The following CTNNA2 variants were observed in gnomAD, a reference collection of about 807,000 sequenced individuals.
CTNNA2 encodes catenin alpha 2.
In CTNNA2, 42 loss-of-function variants were observed where a neutral mutation model predicts 101.0. That is an observed-to-expected ratio of 0.42 (90% CI 0.32 to 0.54). The LOEUF (loss-of-function observed/expected upper bound fraction) is 0.54. CTNNA2 is among the 20% of genes least tolerant of loss of function. The probability of loss-of-function intolerance (pLI) is 0.14; values close to 1 mark genes in which losing one functional copy is unlikely to be tolerated. For synonymous variants in CTNNA2, 450 were observed against 456.4 expected, an observed-to-expected ratio of 0.99 and a Z score of 0.18; for missense variants, 871 against 1,223.1, an observed-to-expected ratio of 0.71 and a Z score of 4.29.
chr2:80,220,871 G>A (rs1025555375), intron 7 of CTNNA2, among the ~76,000 whole-genome samples: 1 of 152,002 alleles, frequency 6.6e-6, no homozygotes, highest in Non-Finnish European at 1.5e-5. Context: ...TTTTTTGTTT[G>A]TTTTTGTTTT....
At chr2:80,620,094 G>A (rs1316147604) in intron 18 of CTNNA2, among the ~76,000 whole-genome samples, 15 of 151,786 alleles carry the variant, frequency 9.9e-5, no homozygotes, top group Admixed American at 9.9e-4. Context: ...AGTTCATGGA[G>A]GTGGTTGACT....
chr2:79,427,257 A>G (rs1002809683), intron 4 of CTNNA2, among the ~76,000 whole-genome samples: 2 of 152,062 alleles, frequency 1.3e-5, no homozygotes, highest in Non-Finnish European at 2.9e-5. Context: ...ATAAAATTTC[A>G]CAGGAATGTA....
intron 9 of CTNNA2, among the ~76,000 whole-genome samples, chr2:80,494,837 A>C (rs752312071): frequency 4.8e-5 from 7 of 146,692 alleles, no homozygotes; most frequent in Non-Finnish European, 1.1e-4. Flanking sequence ...AGGTATTACA[A>C]CCAGTTCCAA....
intron 7 of CTNNA2, among the ~76,000 whole-genome samples, chr2:80,038,162 T>C (rs1364559182): frequency 1.3e-5 from 2 of 152,186 alleles, no homozygotes; most frequent in African/African-American, 2.4e-5. Context: ...CTCTGCCTAG[T>C]ACTGTCAGCA....
chr2:79,234,956 G>A (rs562400400), intron 2 of CTNNA2, among the ~76,000 whole-genome samples: 3 of 152,162 alleles, frequency 2.0e-5, no homozygotes, highest in Non-Finnish European at 4.4e-5. Flanking sequence ...CCTTGGATTG[G>A]GTTTCAACTT....
chr2:79,432,481 A>C (rs779385050), intron 4 of CTNNA2, among the ~76,000 whole-genome samples: 7 of 152,070 alleles, frequency 4.6e-5, no homozygotes, highest in Non-Finnish European at 5.9e-5. Flanking sequence ...TTTTTCTTCT[A>C]GTTTTTGGTG....
chr2:79,531,094 C>A (rs1367493584), intron 1 of CTNNA2, among the ~76,000 whole-genome samples: 1 of 151,238 alleles, frequency 6.6e-6, no homozygotes, highest in Non-Finnish European at 1.5e-5. Context: ...GCTAAAATCT[C>A]ACTTTGTAAT....
At chr2:79,301,258 C>T (rs973114297) in intron 2 of CTNNA2, among the ~76,000 whole-genome samples, 2 of 152,210 alleles carry the variant, frequency 1.3e-5, no homozygotes, top group Non-Finnish European at 2.9e-5. Flanking sequence ...TTCTACACTA[C>T]GAAGGCAGAG....
At chr2:79,741,719 C>T (rs1671298388) in intron 2 of CTNNA2, among the ~76,000 whole-genome samples, 1 of 151,314 alleles carries the variant, frequency 6.6e-6, no homozygotes, top group Non-Finnish European at 1.5e-5. Flanking sequence ...GCTCTTCACT[C>T]TTGTAGTAGT....
Position 79,474,260 on chromosome 2 carries a change from A to G in CTNNA2, c.-134-30794A>G, listed in dbSNP as rs113575655. Among the ~76,000 whole-genome samples the G allele has an allele frequency of 2.2e-3, 339 of 152,344 alleles. 1 individual carries two copies. Among genetic ancestry groups the G allele is most frequent in the African/African-American group, 7.7e-3 (321 of 41,596 alleles). ...ATGGAAACAACCCAAATGTCCCTGA[A>G]CTGGGGAATGAATAAACAAATCTTA... On this transcript the variant is annotated intron_variant, in intron 4 of 21. Transcript: ENST00000466387.
At chr2:80,171,197 A>G (rs964170273) in intron 7 of CTNNA2, among the ~76,000 whole-genome samples, 30 of 152,244 alleles carry the variant, frequency 2.0e-4, no homozygotes, top group African/African-American at 7.2e-4. Flanking sequence ...AAATGAAGAC[A>G]AGAGCCCATC....
At position 80,270,207 on chromosome 2, in the gene CTNNA2, C is replaced by T. The variant is rs952255293; in HGVS notation, c.1057-123004C>T. Among the ~76,000 whole-genome samples, 19 of 152,308 alleles carry T rather than the reference C, an allele frequency of 1.2e-4. No homozygotes were observed. The South Asian group carries it at 3.3e-3, about 27-fold the overall frequency. On this transcript the variant is annotated intron_variant, in intron 7 of 18. Transcript: ENST00000402739. ...GCACTCATTTATGCTTCCTGCTTAGCCCCTGTGGGTACCTGAGTTTGTGAT... is the reference window on the plus strand; with the variant it reads ...GCACTCATTTATGCTTCCTGCTTAGTCCCTGTGGGTACCTGAGTTTGTGAT...
chr2:80,162,574 C>G (rs967621043), intron 7 of CTNNA2: 1 of 1,610,116 alleles, frequency 6.2e-7, no homozygotes, highest in Admixed American at 1.7e-5. Flanking sequence ...TAATGATGGT[C>G]AGACCCATGA....
At chr2:80,218,891 T>C (rs1399549220) in intron 7 of CTNNA2, among the ~76,000 whole-genome samples, 1 of 152,190 alleles carries the variant, frequency 6.6e-6, no homozygotes, top group East Asian at 1.9e-4. Context: ...ATAATACTTA[T>C]TATGAGAAAT....
chr2:79,861,103 A>G (rs569506840), intron 4 of CTNNA2, among the ~76,000 whole-genome samples: 2 of 152,318 alleles, frequency 1.3e-5, no homozygotes, highest in African/African-American at 4.8e-5. Context: ...TGAGAAAGAA[A>G]AGAGTGACAG....
chr2:80,432,591 A>G (rs1681644366), intron 9 of CTNNA2, among the ~76,000 whole-genome samples: 1 of 152,160 alleles, frequency 6.6e-6, no homozygotes, highest in South Asian at 2.1e-4. Context: ...ACTTAGACTG[A>G]CAGATTGTTA....
At chr2:80,400,613 C>T (rs1299049694) in intron 8 of CTNNA2, among the ~76,000 whole-genome samples, 1 of 152,090 alleles carries the variant, frequency 6.6e-6, no homozygotes, top group Non-Finnish European at 1.5e-5. Flanking sequence ...CAAACCTTCA[C>T]CCCACCATGG....
chr2:79,869,442 C>T (rs1035530371), intron 4 of CTNNA2, among the ~76,000 whole-genome samples: 1 of 152,134 alleles, frequency 6.6e-6, no homozygotes, highest in South Asian at 2.1e-4. Flanking sequence ...GTTTGTAAAC[C>T]ATTTTCTCTT....
At chr2:80,481,296 C>G (rs1333434423) in intron 9 of CTNNA2, among the ~76,000 whole-genome samples, 1 of 152,022 alleles carries the variant, frequency 6.6e-6, no homozygotes, top group Non-Finnish European at 1.5e-5. Context: ...TGTCTGTTCT[C>G]ATTTCTTTGG....
Sources: gnomAD v4.1 joint callset for allele counts (sites outside exome capture counted in the v4.1 genomes callset) on GRCh38, gnomAD v4.1.1 for gene constraint, MANE v1.5 for transcripts, NCBI Gene and HGNC (gene_info 2026-07-23, HGNC 2026-07-21) for gene names.